Variants in CHD7 observed in about 807,000 individuals in gnomAD.
CHD7 encodes the protein chromodomain helicase DNA binding protein 7.
In CHD7, 24 loss-of-function variants were observed where a neutral mutation model predicts 307.3. That is an observed-to-expected ratio of 0.08 (90% CI 0.06 to 0.11). CHD7 has a LOEUF of 0.11. Among genes scored for constraint, CHD7 ranks in the 10% least tolerant of loss-of-function variants. The pLI is 1.00. For synonymous variants in CHD7, 1,363 were observed against 1,349.9 expected, an observed-to-expected ratio of 1.01 and a Z score of -0.21; for missense variants, 3,106 against 3,727.1, an observed-to-expected ratio of 0.83 and a Z score of 4.34.
intron 16 of CHD7, among the ~76,000 whole-genome samples, 173 bp from the exon 17 acceptor site, chr8:60,836,644 A>C (rs1804754509): frequency 6.6e-6 from 1 of 152,220 alleles, no homozygotes; most frequent in Non-Finnish European, 1.5e-5. Context: ...TTGGTCATTC[A>C]ATCAATTATA....
In CHD7 at chr8:60,828,744, A is replaced by C; in HGVS notation, c.3460A>C (p.Ser1154Arg). Residue 1154 changes from serine to arginine, a missense_variant, in exon 14 of 38, where the codon AGT (serine) becomes CGT (arginine). This residue lies in a region of CHD7 where 232 missense variants were observed against 422.5 expected (regional missense o/e 0.55). Coordinates refer to ENST00000423902, the MANE Select transcript of CHD7 (RefSeq NM_017780.4). ...LFSLLHFLEP[S>R]RFPSETTFMQ... ...CAGCTTGCTTCATTTCTTGGAACCA[A>C]GTCGCTTCCCTTCAGAAACCACATT... 1 of 1,613,716 alleles carries C rather than the reference A, an allele frequency of 6.2e-7. No individual in the cohort carries two copies. The highest frequency in any genetic ancestry group is 1.1e-5 in the South Asian group (1 of 91,008).
intron 21 of CHD7, among the ~76,000 whole-genome samples, chr8:60,844,107 C>T (rs915192479): frequency 2.0e-5 from 3 of 152,220 alleles, no homozygotes; most frequent in African/African-American, 7.2e-5. Context: ...CTGCTGCTGC[C>T]TGCCCCCGTA....
rs776062465 is a variant in CHD7, at chr8:60,838,214, A to C, written c.4492A>C (p.Ile1498Leu). Reference sequence around the variant, plus strand: ...GATCCTCCTACGTCGAACCCACACCATTACCATTGAGTCAGAAGGGAAAGG... The same window carrying C: ...GATCCTCCTACGTCGAACCCACACCCTTACCATTGAGTCAGAAGGGAAAGG... ...DQILLRRTHT[I>L]TIESEGKGST... is the part of the protein sequence containing the mutation. Residue 1498 changes from isoleucine (I) to leucine (L), a missense_variant, in exon 19 of 38, where the codon ATT becomes CTT. Transcript: ENST00000423902. 1 of 1,604,340 alleles carries C rather than the reference A, an allele frequency of 6.2e-7. No individual in the cohort carries two copies. The highest frequency in any genetic ancestry group is 1.1e-5 in the South Asian group (1 of 88,726).
chr8:60,682,400 T>G (rs529355861), intron 1 of CHD7, among the ~76,000 whole-genome samples: 1 of 152,330 alleles, frequency 6.6e-6, no homozygotes, highest in East Asian at 1.9e-4. Flanking sequence ...TTTTAAGCAG[T>G]TAGGTCAAAA....
chr8:60,768,107 G>A (rs1165949914), intron 2 of CHD7, among the ~76,000 whole-genome samples: 3 of 151,950 alleles, frequency 2.0e-5, no homozygotes, highest in African/African-American at 7.3e-5. Flanking sequence ...ATTTTTCTGT[G>A]TGTATCTGAG....
chr8:60,816,310 T>C (rs1369708064), intron 7 of CHD7, 77 bp from the exon 8 acceptor site: 1 of 818,062 alleles, frequency 1.2e-6, no homozygotes, highest in Non-Finnish European at 2.0e-6. Context: ...ATCTGTGTAG[T>C]TGACTTTTTT....
intron 13 of CHD7, among the ~76,000 whole-genome samples, chr8:60,828,187 A>G (rs1263114684): frequency 6.6e-6 from 1 of 152,240 alleles, no homozygotes; most frequent in African/African-American, 2.4e-5. Context: ...TTGCAGAACA[A>G]AATAGTTTTT....
chr8:60,754,902 G>A (rs544999829), intron 2 of CHD7, among the ~76,000 whole-genome samples: 1 of 152,300 alleles, frequency 6.6e-6, no homozygotes, highest in South Asian at 2.1e-4. Flanking sequence ...GTAGTACTAA[G>A]TCTTTGTTAA....
intron 1 of CHD7, among the ~76,000 whole-genome samples, chr8:60,689,855 A>T (rs1318253152): frequency 6.6e-6 from 1 of 152,252 alleles, no homozygotes; most frequent in African/African-American, 2.4e-5. Flanking sequence ...TATTCAGCTT[A>T]TTACAGAATT....
intron 7 of CHD7, among the ~76,000 whole-genome samples, chr8:60,815,780 C>T (rs1362823306): frequency 6.6e-6 from 1 of 152,138 alleles, no homozygotes; most frequent in African/African-American, 2.4e-5. Flanking sequence ...GGGCATGGCC[C>T]AGTGTTCCAG....
intron 1 of CHD7, among the ~76,000 whole-genome samples, chr8:60,683,109 G>A (rs1217645949): frequency 2.0e-5 from 3 of 152,126 alleles, no homozygotes; most frequent in East Asian, 1.9e-4. Context: ...CTTTTCATGC[G>A]ATTGGAAATT....
At chr8:60,785,229 G>A (rs1024463696) in intron 3 of CHD7, among the ~76,000 whole-genome samples, 1 of 152,192 alleles carries the variant, frequency 6.6e-6, no homozygotes, top group African/African-American at 2.4e-5. Context: ...ACAGAAAGAA[G>A]GGAACTTGGC....
At chr8:60,810,018 CT>C (rs1277346258) in intron 7 of CHD7, among the ~76,000 whole-genome samples, 4 of 152,140 alleles carry the variant, frequency 2.6e-5, no homozygotes, top group African/African-American at 9.7e-5. Flanking sequence ...GCTGAGCGGA[CT>C]TGTGGCTTCT....
At chr8:60,735,085 T>C (rs1207696540) in intron 1 of CHD7, among the ~76,000 whole-genome samples, 1 of 152,194 alleles carries the variant, frequency 6.6e-6, no homozygotes, top group East Asian at 1.9e-4. Flanking sequence ...ATATGTGGGA[T>C]GTACTGGGGC....
intron 3 of CHD7, among the ~76,000 whole-genome samples, 163 bp downstream of exon 3, chr8:60,781,593 G>T (rs182078650): frequency 2.0e-5 from 3 of 152,244 alleles, no homozygotes; most frequent in East Asian, 1.9e-4. Flanking sequence ...AGGCTTTTAC[G>T]CATTCTGAAA....
chr8:60,805,179 C>T (rs1461363392), intron 6 of CHD7, among the ~76,000 whole-genome samples: 3 of 152,006 alleles, frequency 2.0e-5, no homozygotes, highest in Admixed American at 1.3e-4. Context: ...AAACTGCCTC[C>T]CATTTAGTAA....
chr8:60,751,255 G>A (rs781153887), intron 2 of CHD7, among the ~76,000 whole-genome samples: 3 of 152,084 alleles, frequency 2.0e-5, no homozygotes, highest in Non-Finnish European at 4.4e-5. Context: ...TGACTCTCCA[G>A]GATAAGGGAA....
At position 60,852,117 on chromosome 8, in the gene CHD7, C is replaced by T. The variant is rs1424250593; in HGVS notation, c.5764C>T (p.Arg1922Cys). 1.9e-6 allele frequency: 3 copies of T among 1,613,862 alleles called. No homozygotes were observed. Among genetic ancestry groups the T allele is most frequent in the African/African-American group, 1.3e-5 (1 of 74,924 alleles). Residue 1922 changes from arginine (R) to cysteine (C), a missense_variant, in exon 29 of 38, where the codon CGC (arginine) becomes TGC (cysteine). Transcript: ENST00000423902. ...RLRRLITAYQ[R>C]SYKRQQMRQE... ...GCGCCGGCTCATTACTGCCTATCAGCGCAGCTATAAAAGGCAACAGATGAG... is the reference window on the plus strand; with the variant it reads ...GCGCCGGCTCATTACTGCCTATCAGTGCAGCTATAAAAGGCAACAGATGAG...
intron 2 of CHD7, among the ~76,000 whole-genome samples, chr8:60,762,341 G>A (rs966674180): frequency 6.6e-6 from 1 of 152,188 alleles, no homozygotes; most frequent in Non-Finnish European, 1.5e-5. Flanking sequence ...TGGGGTCTGG[G>A]CTTCTCCTCC....
Sources: allele counts gnomAD v4.1 joint callset (sites outside exome capture counted in the v4.1 genomes callset), GRCh38; gene constraint gnomAD v4.1.1; regional missense constraint gnomAD v4.1.1; transcripts MANE v1.5; gene names NCBI Gene and HGNC (gene_info 2026-07-23, HGNC 2026-07-21).